SPEF1: variants seen among roughly 807,000 people sequenced by gnomAD.
SPEF1 encodes sperm flagella and cilia-associated protein 1.
Under a neutral mutation model 31.8 loss-of-function variants are expected in SPEF1, and 30 were observed. That is an observed-to-expected ratio of 0.94 (90% CI 0.70 to 1.28). The LOEUF is 1.28. Ranked by LOEUF, SPEF1 falls within the 50% of genes most tolerant of loss-of-function variation. The pLI, the probability that SPEF1 is intolerant of heterozygous loss-of-function variation, is 0.00. For missense variants in SPEF1, 298 were observed against 309.6 expected, an observed-to-expected ratio of 0.96 and a Z score of 0.28; for synonymous variants, 126 against 130.1, an observed-to-expected ratio of 0.97 and a Z score of 0.21.
chr20:3,779,777 T>C lies in SPEF1; in HGVS notation c.110-2A>G. On this transcript the variant is annotated splice_acceptor_variant, in intron 1 of 6. Transcript: ENST00000379756. LOFTEE classifies it high-confidence loss of function. ...ACTTGATGACCTCTGCAACAAGGAC[T>C]GAGGGAGAGGGGAGCAGACATGGAA... The C allele has an allele frequency of 1.9e-6, 3 of 1,549,510 alleles. No individual in the cohort carries two copies. Among genetic ancestry groups the C allele is most frequent in the Non-Finnish European group, 2.6e-6 (3 of 1,143,528 alleles).
At chr20:3,779,611 C>T in intron 2 of SPEF1, 53 bp downstream of exon 2, 2 of 1,356,478 alleles carry the variant, frequency 1.5e-6, no homozygotes, top group South Asian at 1.2e-5. Flanking sequence ...ACAGTCTCAG[C>T]CTGGGCAACC....
intron 1 of SPEF1, among the ~76,000 whole-genome samples, chr20:3,780,334 CAAAAAAAAAAA>C (rs58819644): frequency 1.7e-5 from 1 of 58,278 alleles, no homozygotes. Flanking sequence ...GACTCTGTCT[CAAAAAAAAAAA>C]AAAAAAAAAA....
In SPEF1 at chr20:3,781,397, C is replaced by T; in HGVS notation, c.-110G>A. 1 of 1,447,120 alleles carries T rather than the reference C, an allele frequency of 6.9e-7. No individual in the cohort carries two copies. Among genetic ancestry groups the T allele is most frequent in the Non-Finnish European group, 9.2e-7 (1 of 1,090,822 alleles). 89.6% of individuals were successfully genotyped at this position (1,447,120 alleles called of 1,614,324 possible). A position where few individuals can be genotyped will look rare whatever the true frequency, so the allele number is the denominator to read the frequency against. ...TGCAGAAGCCCATAACTGCCTCTGC[C>T]TGCCTAATCCAGAGACTCACGTCCC... On this transcript the variant is annotated 5_prime_UTR_variant, in exon 1 of 7. Transcript: ENST00000379756.
At position 3,778,961 on chromosome 20, in the gene SPEF1, G is replaced by GT. The variant is rs1366819584; in HGVS notation, c.407dup (p.Tyr136Ter). The GT allele has an allele frequency of 1.2e-6, 2 of 1,614,070 alleles. No individual in the cohort carries two copies. Among genetic ancestry groups the GT allele is most frequent in the African/African-American group, 2.7e-5 (2 of 74,930 alleles). Residue 136 changes from tyrosine to a stop codon, truncating the protein, a stop_gained and frameshift_variant, in exon 4 of 7, where the codon TAC (tyrosine) becomes TAAC (stop). Transcript: ENST00000379756. LOFTEE classifies it high-confidence loss of function. ...AAAAGGCCACCTTACCCACATCCAT[G>GT]TAGCCACTGCCATCCTGGGGAGCCA... Reference protein sequence around the residue: ...QELAPQDGSGYMDVGVSQKAR... With the variant: ...QELAPQDGSG
In SPEF1 at chr20:3,778,361, C is replaced by T. The variant is rs779988326; in HGVS notation, c.604-42G>A. 5.6e-6 allele frequency: 9 copies of T among 1,613,016 alleles called. No individual in the cohort carries two copies. In the South Asian group the frequency reaches 8.8e-5, roughly 16 times the overall value. ...AGGCGTCAAGCCTGGCGGTCTGCTC[C>T]CTCCTGCCCGGCCTCTGCTGGCCGC... On this transcript the variant is annotated intron_variant, in intron 6 of 6. Coordinates refer to ENST00000379756, the MANE Select transcript of SPEF1 (RefSeq NM_015417.5).
rs2088766606 is a variant in SPEF1 at position 3,779,380 on chromosome 20, T to C, written c.222-28A>G. 3 of 1,569,100 alleles carry C rather than the reference T, an allele frequency of 1.9e-6. No homozygotes were observed. The African/African-American group carries it at 4.0e-5, about 21-fold the overall frequency. On this transcript the variant is annotated intron_variant, in intron 2 of 6. Transcript: ENST00000379756. ...GAGGGGTAGACATTGGGATAGCAGA[T>C]TGGGTCCTGGGGAAATGAAGCGAGG...
intron 3 of SPEF1, 81 bp downstream of exon 3, chr20:3,779,115 C>T: frequency 6.4e-7 from 1 of 1,552,522 alleles, no homozygotes; most frequent in South Asian, 1.2e-5. Context: ...CACTTATCAC[C>T]CAGGCTGGCC....
In SPEF1 at chr20:3,781,234, G is replaced by T; in HGVS notation, c.54C>A (p.Asp18Glu). Residue 18 changes from aspartate (D) to glutamate (E), a missense_variant, in exon 1 of 7, where the codon GAC becomes GAA. Asp to Glu is a conservative substitution (Grantham distance 45). Coordinates refer to ENST00000379756, the MANE Select transcript of SPEF1 (RefSeq NM_015417.5). ...GCTTGGGCCGGGACAGAGGGATGTT[G>T]TCTACCCACAGGTACAGCTGGTGCA... ...EALHQLYLWV[D>E]NIPLSRPKRN... The T allele has an allele frequency of 6.2e-7, 1 of 1,614,230 alleles. No individual in the cohort carries two copies. Among genetic ancestry groups the T allele is most frequent in the Non-Finnish European group, 8.5e-7 (1 of 1,180,042 alleles).
rs199665988 is a variant in SPEF1 at position 3,780,784 on chromosome 20, AC to A, written c.109+394del. Among the ~76,000 whole-genome samples the A allele has an allele frequency of 7.7e-3, 1,163 of 151,922 alleles. 10 individuals are homozygous for A. The highest frequency in any genetic ancestry group is 0.026 in the African/African-American group (1,075 of 41,404). ...TCACAAAGAAACACATGCACACAAG[AC>A]CCCCCCAAATACAAGACTAAACATG... On this transcript the variant is annotated intron_variant, in intron 1 of 6. Coordinates refer to ENST00000379756, the MANE Select transcript of SPEF1 (RefSeq NM_015417.5).
rs879588585 is a variant in SPEF1, at chr20:3,778,444, A to G, written c.580T>C (p.Leu194=). The change falls in exon 6 of 7, where the codon TTG becomes CTG. Residue 194 remains leucine (L), a synonymous_variant. Transcript: ENST00000379756. ...ACCTGCACGGTCTCTTGAGAGGCCAACAGCTCCTGCTCCTTTTCAGCGATC... is the reference window on the plus strand; with the variant it reads ...ACCTGCACGGTCTCTTGAGAGGCCAGCAGCTCCTGCTCCTTTTCAGCGATC... The part of the protein sequence containing the change: ...LQIAEKEQEL[L]ASQETVQVLQ... 2.1e-5 allele frequency: 34 copies of G among 1,613,822 alleles called. No individual in the cohort carries two copies. Among genetic ancestry groups the G allele is most frequent in the Non-Finnish European group, 2.9e-5 (34 of 1,179,976 alleles).
rs1361310530 is a variant in SPEF1 at position 3,778,229 on chromosome 20, C to T, written c.694G>A (p.Glu232Lys). The T allele has an allele frequency of 2.5e-6, 4 of 1,597,988 alleles. No homozygotes were observed. The highest frequency in any genetic ancestry group is 1.7e-5 in the Admixed American group (1 of 57,380). ...EDLSRRLQQA[E>K]RKQR is the part of the protein sequence containing the mutation. ...GCCGCCGCTCACCGCTGCTTACGCT[C>T]CGCCTGCTGGAGCCGCCGGGAGAGG... Residue 232 changes from glutamate (E) to lysine (K), a missense_variant, in exon 7 of 7, where the codon GAG (glutamate) becomes AAG (lysine). Coordinates refer to ENST00000379756, the MANE Select transcript of SPEF1 (RefSeq NM_015417.5).
Position 3,777,914 on chromosome 20 carries a change from G to A in SPEF1, c.*298C>T, listed in dbSNP as rs886954608. On this transcript the variant is annotated 3_prime_UTR_variant, in exon 7 of 7. Coordinates refer to ENST00000379756, the MANE Select transcript of SPEF1 (RefSeq NM_015417.5). This position sits in a 1 kb window ranked among gnomAD's most constrained non-coding sequence, Gnocchi z 4.1. ...GGCCCAAGGTGTTGGACACTGCTTT[G>A]GGGGACAGGCTAGGTCTCTGCACGT... 6.8e-5 allele frequency: 23 copies of A among 336,568 alleles called. No homozygotes were observed. Among genetic ancestry groups the A allele is most frequent in the Non-Finnish European group, 1.0e-4 (19 of 183,930 alleles). The allele number at this position is 336,568 out of a possible 1,614,324, so 20.8% of individuals were successfully genotyped here.
At chr20:3,780,059 C>G (rs867828715) in intron 1 of SPEF1, among the ~76,000 whole-genome samples, 4 of 152,010 alleles carry the variant, frequency 2.6e-5, no homozygotes, top group Non-Finnish European at 5.9e-5. Flanking sequence ...AATGAGTCAG[C>G]CAGTGCAGGG....
chr20:3,781,376 G>A lies in SPEF1; in HGVS notation c.-89C>T, dbSNP rs896714402. 6.6e-7 allele frequency: 1 copy of A among 1,523,854 alleles called. No homozygotes were observed. Among genetic ancestry groups the A allele is most frequent in the South Asian group, 1.2e-5 (1 of 82,800 alleles). 94.4% of individuals were successfully genotyped at this position (1,523,854 alleles called of 1,614,324 possible). On this transcript the variant is annotated 5_prime_UTR_variant, in exon 1 of 7. Coordinates refer to ENST00000379756, the MANE Select transcript of SPEF1 (RefSeq NM_015417.5). ...AGGCGCTTCCTTTCTCGCCACTGCA[G>A]AAGCCCATAACTGCCTCTGCCTGCC...
At chr20:3,778,877 C>G in intron 4 of SPEF1, 71 bp from the exon 5 acceptor site, 1 of 1,611,712 alleles carries the variant, frequency 6.2e-7, no homozygotes, top group Non-Finnish European at 8.5e-7. Context: ...CCTACTTCCA[C>G]TCTCACAAGT....
Position 3,778,117 on chromosome 20 carries a change from G to A in SPEF1, c.*95C>T, listed in dbSNP as rs2146634635. The stretch of plus-strand genomic sequence containing the variant: ...CAGGCTCGTGAGAGCAGCGGGCTCC[G>A]CCCTCCCAATGGTCTATCCATCGGT... On this transcript the variant is annotated 3_prime_UTR_variant, in exon 7 of 7. Transcript: ENST00000379756. 1.1e-6 allele frequency: 1 copy of A among 893,134 alleles called. No individual in the cohort carries two copies. Among genetic ancestry groups the A allele is most frequent in the Non-Finnish European group, 1.6e-6 (1 of 606,290 alleles). The allele number at this position is 893,134 out of a possible 1,614,324, so 55.3% of individuals were successfully genotyped here. A position where few individuals can be genotyped will look rare whatever the true frequency, so the allele number is the denominator to read the frequency against.
intron 1 of SPEF1, among the ~76,000 whole-genome samples, chr20:3,780,416 GCACACACACACACACA>G (rs55996387): frequency 1.5e-5 from 2 of 137,824 alleles, no homozygotes; most frequent in South Asian, 2.3e-4. Flanking sequence ...GATGCATGAT[GCACACACACACACACA>G]CACACACACA....
intron 5 of SPEF1, 51 bp from the exon 6 acceptor site, chr20:3,778,595 A>C (rs539216496): frequency 1.3e-6 from 2 of 1,574,248 alleles, no homozygotes; most frequent in East Asian, 4.6e-5. Context: ...CCCTACACTC[A>C]CCCTTCCAGG....
chr20:3,779,785 AG>A lies in SPEF1; in HGVS notation c.110-11del. The A allele has an allele frequency of 7.9e-7, 1 of 1,269,870 alleles. No homozygotes were observed. Among genetic ancestry groups the A allele is most frequent in the Non-Finnish European group, 1.1e-6 (1 of 933,402 alleles). 78.7% of individuals were successfully genotyped at this position (1,269,870 alleles called of 1,614,324 possible). ...ACCTCTGCAACAAGGACTGAGGGAG[AG>A]GGGAGCAGACATGGAAAGTGGGGGC... is the stretch of plus-strand genomic sequence containing the variant. On this transcript the variant is annotated splice_polypyrimidine_tract_variant and intron_variant, in intron 1 of 6. Transcript: ENST00000379756.
Sources: gnomAD v4.1 joint callset for allele counts (sites outside exome capture counted in the v4.1 genomes callset) on GRCh38, gnomAD v4.1.1 for gene constraint, Gnocchi (gnomAD v3.1) non-coding constraint, MANE v1.5 for transcripts, NCBI Gene and HGNC (gene_info 2026-07-23, HGNC 2026-07-21) for gene names.